Variants in LIN9 observed in about 807,000 individuals in gnomAD.
LIN9 encodes the protein lin-9 DREAM MuvB core complex component, also known as protein lin-9 homolog.
In LIN9, 18 loss-of-function variants were observed where a neutral mutation model predicts 78.0. The observed-to-expected ratio is 0.23, with a 90% CI of 0.16 to 0.34. The LOEUF (loss-of-function observed/expected upper bound fraction) is 0.34, where lower values mean the gene tolerates loss of function less well. Ranked by LOEUF, LIN9 falls within the 10% of genes least tolerant of loss-of-function variation. LIN9 has a pLI of 1.00. For missense variants in LIN9, 451 were observed against 644.1 expected (o/e 0.70, Z 3.25); for synonymous variants, 192 against 215.2 (o/e 0.89, Z 0.94).
chr1:226,266,452 T>C, intron 8 of LIN9, 120 bp from the exon 9 acceptor site: 1 of 643,130 alleles, frequency 1.6e-6, no homozygotes, highest in African/African-American at 1.9e-5. Context: ...ATATAGAATT[T>C]ATTACTTATA....
chr1:226,307,301 T>C (rs1265468698), intron 1 of LIN9, among the ~76,000 whole-genome samples: 1 of 152,252 alleles, frequency 6.6e-6, no homozygotes, highest in Non-Finnish European at 1.5e-5. Context: ...ACAAGTACAC[T>C]GTGCTTAGTA....
intron 1 of LIN9, among the ~76,000 whole-genome samples, chr1:226,303,544 G>C (rs1052719076): frequency 6.6e-6 from 1 of 152,148 alleles, no homozygotes; most frequent in Non-Finnish European, 1.5e-5. Flanking sequence ...ACGAAGGCAG[G>C]AACCATATCT....
In LIN9 at chr1:226,284,002, CTT is replaced by C. The variant is rs137950135; in HGVS notation, c.524+2329_524+2330del. 7.2e-3 allele frequency among the ~76,000 whole-genome samples: 1,094 copies of C among 152,072 alleles called. 9 individuals are homozygous for C. Among genetic ancestry groups the C allele is most frequent in the African/African-American group, 0.025 (1,042 of 41,480 alleles). On this transcript the variant is annotated intron_variant, in intron 6 of 14. Transcript: ENST00000681046. ...CCAATTCAAGATTAAGTAAAACTCTCTTATGTTTTCCTCTTGTGGTTTTATTC... is the reference window on the plus strand; with the variant it reads ...CCAATTCAAGATTAAGTAAAACTCTCATGTTTTCCTCTTGTGGTTTTATTC...
rs71574569 is a variant in LIN9, at chr1:226,283,278, ATTTTTT to A, written c.524+3049_524+3054del. Among the ~76,000 whole-genome samples the A allele has an allele frequency of 1.1e-4, 9 of 84,214 alleles. No individual in the cohort carries two copies. In the South Asian group the frequency reaches 3.0e-3, roughly 28 times the overall value. 55.2% of individuals were successfully genotyped at this position (84,214 alleles called of 152,430 possible). A position where few individuals can be genotyped will look rare whatever the true frequency, so the allele number is the denominator to read the frequency against. On this transcript the variant is annotated intron_variant, in intron 6 of 14. Coordinates refer to ENST00000681046, the MANE Select transcript of LIN9 (RefSeq NM_001366245.2). ...AGTAGCATGCCTGGGTAATTTTTGA[ATTTTTT>A]TTTTTTTTTTTTTTTTTTTTTGGTG...
At chr1:226,254,282 C>T (rs1483042852) in intron 10 of LIN9, among the ~76,000 whole-genome samples, 1 of 152,134 alleles carries the variant, frequency 6.6e-6, no homozygotes, top group Non-Finnish European at 1.5e-5. Flanking sequence ...GGCGGCAAAA[C>T]ATTTTTAATG....
intron 4 of LIN9, among the ~76,000 whole-genome samples, chr1:226,294,462 C>CCTGTAA (rs1662000704): frequency 6.6e-6 from 1 of 151,832 alleles, no homozygotes; most frequent in African/African-American, 2.4e-5. Context: ...ATCCCAGCTA[C>CCTGTAA]TCGGGAGGCT....
intron 7 of LIN9, among the ~76,000 whole-genome samples, chr1:226,274,242 G>A (rs1660489316): frequency 6.6e-6 from 1 of 152,100 alleles, no homozygotes; most frequent in African/African-American, 2.4e-5. Flanking sequence ...GTGCTCTATG[G>A]TCCTTTCCGT....
intron 4 of LIN9, among the ~76,000 whole-genome samples, chr1:226,291,450 G>T (rs1264501989): frequency 2.0e-5 from 3 of 151,452 alleles, no homozygotes; most frequent in Non-Finnish European, 4.4e-5. Context: ...CATACATTTA[G>T]AAAAAGAAAA....
intron 4 of LIN9, among the ~76,000 whole-genome samples, chr1:226,294,817 T>G (rs35710550): frequency 0.32 from 47,809 of 149,964 alleles, 8,212 homozygotes; most frequent in East Asian, 0.46. Flanking sequence ...TTTTTTTTTT[T>G]GAGACAGAGT....
intron 11 of LIN9, among the ~76,000 whole-genome samples, chr1:226,242,568 G>A (rs1658182970): frequency 6.6e-6 from 1 of 152,110 alleles, no homozygotes; most frequent in African/African-American, 2.4e-5. Context: ...AAAGGAACAG[G>A]CTGATATAGA....
At position 226,287,708 on chromosome 1, in the gene LIN9, T is replaced by G. The variant is rs373608172; in HGVS notation, c.354A>C (p.Ala118=). 1 of 1,555,802 alleles carries G rather than the reference T, an allele frequency of 6.4e-7. No homozygotes were observed. The highest frequency in any genetic ancestry group is 8.6e-7 in the Non-Finnish European group (1 of 1,160,114). Residue 118 remains alanine (A), a synonymous_variant, in exon 5 of 15, where the codon GCA becomes GCC. Transcript: ENST00000681046. The stretch of plus-strand genomic sequence containing the variant: ...ACCACTCGTATATACACCATTTATG[T>G]GCTTTAGGAAGCTTGAGCAGATTAC... The part of the protein sequence containing the change: ...RLRNLLKLPK[A]HKWCIYEWFY...
intron 4 of LIN9, among the ~76,000 whole-genome samples, chr1:226,295,557 T>C (rs1283808635): frequency 5.9e-5 from 9 of 152,110 alleles, no homozygotes; most frequent in African/African-American, 1.7e-4. Context: ...ATTTTTTCCC[T>C]CTTATATCTG....
chr1:226,273,256 ATTTT>A lies in LIN9; in HGVS notation c.682+4515_682+4518del, dbSNP rs34679926. Among the ~76,000 whole-genome samples, 14 of 87,254 alleles carry A rather than the reference ATTTT, an allele frequency of 1.6e-4. No homozygotes were observed. In the East Asian group the frequency reaches 4.2e-3, roughly 26 times the overall value. 57.2% of individuals were successfully genotyped at this position (87,254 alleles called of 152,430 possible). A position where few individuals can be genotyped will look rare whatever the true frequency, so the allele number is the denominator to read the frequency against. ...GCCATCTTTTTTTTTTAATTAGGTA[ATTTT>A]TTTTTTTTTTTTTTTTTTGAGACAA... On this transcript the variant is annotated intron_variant, in intron 7 of 14. Transcript: ENST00000681046.
intron 11 of LIN9, among the ~76,000 whole-genome samples, chr1:226,244,597 T>A (rs1011839723): frequency 3.3e-5 from 5 of 152,334 alleles, no homozygotes; most frequent in African/African-American, 9.6e-5. Context: ...GCTTACAGGT[T>A]CATGTTGAAG....
chr1:226,291,136 C>T (rs1034761552), intron 4 of LIN9, among the ~76,000 whole-genome samples: 4 of 152,202 alleles, frequency 2.6e-5, no homozygotes, highest in African/African-American at 9.7e-5. Flanking sequence ...AGCAATTCCA[C>T]ATCTTAGGCA....
chr1:226,231,555 A>C lies in LIN9; in HGVS notation c.*946T>G, dbSNP rs1469178035. On this transcript the variant is annotated 3_prime_UTR_variant, in exon 15 of 15. Transcript: ENST00000681046. Reference sequence around the variant, plus strand: ...AGGCAGCGTTTTCCTAAAAAAGAAAAACAACCAAAACAAGCCTTTCTTCTG... The same window carrying C: ...AGGCAGCGTTTTCCTAAAAAAGAAACACAACCAAAACAAGCCTTTCTTCTG... 1 of 152,572 alleles carries C rather than the reference A, an allele frequency of 6.6e-6. No homozygotes were observed. Among genetic ancestry groups the C allele is most frequent in the African/African-American group, 2.4e-5 (1 of 41,446 alleles). 9.5% of individuals were successfully genotyped at this position (152,572 alleles called of 1,614,324 possible). A position where few individuals can be genotyped will look rare whatever the true frequency, so the allele number is the denominator to read the frequency against.
chr1:226,271,987 A>G (rs746325280), intron 7 of LIN9, among the ~76,000 whole-genome samples: 18 of 148,760 alleles, frequency 1.2e-4, no homozygotes, highest in Middle Eastern at 7.4e-3. Context: ...ATATTTAAGT[A>G]TAACTCTTGA....
chr1:226,251,498 G>A (rs1163780430), intron 10 of LIN9, among the ~76,000 whole-genome samples: 1 of 152,132 alleles, frequency 6.6e-6, no homozygotes, highest in Non-Finnish European at 1.5e-5. Context: ...AAAGTGCTGG[G>A]ATTACAGGCA....
At position 226,266,238 on chromosome 1, in the gene LIN9, G is replaced by A. The variant is rs1659899225; in HGVS notation, c.911C>T (p.Thr304Ile). The A allele has an allele frequency of 1.9e-6, 3 of 1,592,934 alleles. No individual in the cohort carries two copies. The highest frequency in any genetic ancestry group is 1.3e-5 in the African/African-American group (1 of 74,438). The change falls in exon 9 of 15, where the codon ACT (threonine) becomes ATT (isoleucine). Residue 304 changes from threonine to isoleucine, a missense_variant. Transcript: ENST00000681046. ...FFMTPPRLHY[T>I]PPLQSPIIDN... ...TATAATTGGTGACTGGAGAGGAGGA[G>A]TATAATGTAACCGTGGTGGGGTCAT... is the stretch of plus-strand genomic sequence containing the variant.
Sources: gnomAD v4.1 joint callset for allele counts (sites outside exome capture counted in the v4.1 genomes callset) on GRCh38, gnomAD v4.1.1 for gene constraint, MANE v1.5 for transcripts, NCBI Gene and HGNC (gene_info 2026-07-23, HGNC 2026-07-21) for gene names.